Variants in FRMD3 observed in about 807,000 individuals in gnomAD.
FRMD3 encodes the protein FERM domain containing 3, also known as FERM domain-containing protein 3.
In FRMD3, 33 loss-of-function variants were observed where a neutral mutation model predicts 70.2. The observed-to-expected ratio is 0.47, with a 90% confidence interval of 0.36 to 0.63. FRMD3 has a LOEUF of 0.63. Ranked by LOEUF, FRMD3 falls within the 20% of genes least tolerant of loss-of-function variation. The pLI is 0.00. For synonymous variants in FRMD3, 279 were observed against 255.9 expected (o/e 1.09, Z -0.86); for missense variants, 632 against 711.4 (o/e 0.89, Z 1.27).
At position 83,538,300 on chromosome 9, in the gene FRMD3, C is replaced by G. The variant is rs1003425697; in HGVS notation, c.-69G>C. 8.1e-6 allele frequency: 12 copies of G among 1,478,508 alleles called. No individual in the cohort carries two copies. In the African/African-American group the frequency reaches 1.7e-4, roughly 21 times the overall value. The allele number at this position is 1,478,508 out of a possible 1,614,324, so 91.6% of individuals were successfully genotyped here. On this transcript the variant is annotated 5_prime_UTR_variant, in exon 1 of 14. Coordinates refer to ENST00000304195, the MANE Select transcript of FRMD3 (RefSeq NM_174938.6). This position sits in a 1 kb window ranked among gnomAD's most constrained non-coding sequence, Gnocchi z 4.7. The stretch of plus-strand genomic sequence containing the variant: ...CGGTGCTCGCCTGCGCGGACACACA[C>G]GCTCGCACGCACTGTCCGGGACACC...
chr9:83,477,216 G>A (rs1423329326), intron 1 of FRMD3, among the ~76,000 whole-genome samples: 1 of 152,174 alleles, frequency 6.6e-6, no homozygotes, highest in Non-Finnish European at 1.5e-5. Flanking sequence ...AAAAGCACCG[G>A]CCCAGTGTAG....
rs114639510 is a variant in FRMD3 at position 83,502,016 on chromosome 9, C to T, written c.147+36069G>A. 3.3e-3 allele frequency among the ~76,000 whole-genome samples: 509 copies of T among 152,298 alleles called. 4 individuals are homozygous for T. The highest frequency in any genetic ancestry group is 0.011 in the African/African-American group (466 of 41,566). On this transcript the variant is annotated intron_variant, in intron 1 of 13. Transcript: ENST00000304195. ...CTCCTTTAAGTGCATGAATCATTAA[C>T]TTGTTTTATTTATCTAGTTATGTGT...
chr9:83,288,039 A>G (rs897493150), intron 13 of FRMD3, among the ~76,000 whole-genome samples: 6 of 152,248 alleles, frequency 3.9e-5, no homozygotes, highest in African/African-American at 1.4e-4. Flanking sequence ...GTTTGGCTCT[A>G]GCACAGAAAT....
At chr9:83,284,725 C>T (rs527632622) in intron 13 of FRMD3, among the ~76,000 whole-genome samples, 6 of 152,220 alleles carry the variant, frequency 3.9e-5, no homozygotes, top group East Asian at 1.9e-4. Flanking sequence ...AGAAAGACAC[C>T]GAAGCCATAA....
chr9:83,445,366 A>ATAGT (rs1827427923), intron 1 of FRMD3, among the ~76,000 whole-genome samples: 1 of 151,210 alleles, frequency 6.6e-6, no homozygotes, highest in African/African-American at 2.4e-5. Context: ...AGATAGATAG[A>ATAGT]TAGATAGATA....
chr9:83,458,546 T>C lies in FRMD3; in HGVS notation c.148-68838A>G, dbSNP rs61681969. ...TGGGTATTGCATGTCTAATTACACCTACCATAAAGCCGAAGAGAAAACCTC... is the reference window on the plus strand; with the variant it reads ...TGGGTATTGCATGTCTAATTACACCCACCATAAAGCCGAAGAGAAAACCTC... On this transcript the variant is annotated intron_variant, in intron 1 of 13. Coordinates refer to ENST00000304195, the MANE Select transcript of FRMD3 (RefSeq NM_174938.6). 1.7e-3 allele frequency among the ~76,000 whole-genome samples: 266 copies of C among 152,298 alleles called. 1 individual carries two copies. The highest frequency in any genetic ancestry group is 6.2e-3 in the African/African-American group (257 of 41,564).
At chr9:83,312,744 T>G (rs1835411030) in intron 7 of FRMD3, among the ~76,000 whole-genome samples, 1 of 147,418 alleles carries the variant, frequency 6.8e-6, no homozygotes, top group African/African-American at 2.5e-5. Flanking sequence ...CACCCACCAC[T>G]CCCCCTCCGC....
At chr9:83,462,099 T>C (rs978459790) in intron 1 of FRMD3, among the ~76,000 whole-genome samples, 6 of 152,180 alleles carry the variant, frequency 3.9e-5, no homozygotes, top group African/African-American at 1.4e-4. Flanking sequence ...TACACAGTCC[T>C]GGGTTTGTCT....
chr9:83,531,467 C>G (rs1015480452), intron 1 of FRMD3, among the ~76,000 whole-genome samples: 2 of 152,178 alleles, frequency 1.3e-5, no homozygotes, highest in African/African-American at 4.8e-5. Flanking sequence ...ATATAAAGAG[C>G]TGGCCCATAT....
intron 2 of FRMD3, 56 bp downstream of exon 2, chr9:83,389,548 G>A: frequency 8.8e-7 from 1 of 1,132,884 alleles, no homozygotes; most frequent in East Asian, 2.3e-5. Context: ...CCCCCACAGT[G>A]CACCACAGTC....
intron 13 of FRMD3, among the ~76,000 whole-genome samples, chr9:83,278,031 G>T (rs565892172): frequency 6.6e-6 from 1 of 152,302 alleles, no homozygotes; most frequent in East Asian, 1.9e-4. Flanking sequence ...CAGGGTGATA[G>T]CATGAGAGGG....
intron 3 of FRMD3, among the ~76,000 whole-genome samples, chr9:83,357,057 A>T (rs1172206552): frequency 6.7e-6 from 1 of 149,554 alleles, no homozygotes; most frequent in Non-Finnish European, 1.5e-5. Context: ...CCATTAATTC[A>T]TTCCTTTTTA....
At position 83,349,667 on chromosome 9, in the gene FRMD3, A is replaced by C; in HGVS notation, c.374+12T>G. 6.3e-7 allele frequency: 1 copy of C among 1,599,376 alleles called. No individual in the cohort carries two copies. The highest frequency in any genetic ancestry group is 8.6e-7 in the Non-Finnish European group (1 of 1,168,886). ...AAGGTGCACGTTAAACATACAAACA[A>C]ACAAAAAATACCTTGTGAGCTCTTC... is the stretch of plus-strand genomic sequence containing the variant. On this transcript the variant is annotated intron_variant, in intron 4 of 13. Transcript: ENST00000304195.
intron 3 of FRMD3, among the ~76,000 whole-genome samples, chr9:83,354,833 C>A (rs1824283596): frequency 6.6e-6 from 1 of 152,158 alleles, no homozygotes; most frequent in Non-Finnish European, 1.5e-5. Context: ...TCCCTTTTCC[C>A]ATCCCCACTC....
chr9:83,547,482 A>G, the FRMD3 span, among the ~76,000 whole-genome samples: 1 of 151,950 alleles, frequency 6.6e-6, no homozygotes, highest in Non-Finnish European at 1.5e-5. Flanking sequence ...CATCAAGAAG[A>G]TATAACAATT....
At chr9:83,297,936 C>A in intron 12 of FRMD3, 1 of 445,218 alleles carries the variant, frequency 2.2e-6, no homozygotes, top group South Asian at 1.6e-5. Flanking sequence ...TCCTCCTGCC[C>A]AACAACCCCA....
Position 83,246,170 on chromosome 9 carries a change from T to G in FRMD3, c.*1748A>C. On this transcript the variant is annotated 3_prime_UTR_variant, in exon 14 of 14. Coordinates refer to ENST00000304195, the MANE Select transcript of FRMD3 (RefSeq NM_174938.6). ...TTTAGAAATCATGCTAATGATAGGG[T>G]TGGAATGTCATTAGCTAGAGAGAGC... 10 of 985,052 alleles carry G rather than the reference T, an allele frequency of 1.0e-5. No homozygotes were observed. Among genetic ancestry groups the G allele is most frequent in the Non-Finnish European group, 1.2e-5 (10 of 829,776 alleles). 61.0% of individuals were successfully genotyped at this position (985,052 alleles called of 1,614,324 possible).
At chr9:83,575,307 C>T in the FRMD3 span, among the ~76,000 whole-genome samples, 1 of 152,176 alleles carries the variant, frequency 6.6e-6, no homozygotes, top group Admixed American at 6.5e-5. Context: ...CAAACCTCTG[C>T]CTCCCATATG....
At chr9:83,433,355 T>C (rs1054759785) in intron 1 of FRMD3, among the ~76,000 whole-genome samples, 2 of 152,098 alleles carry the variant, frequency 1.3e-5, no homozygotes, top group Non-Finnish European at 2.9e-5. Flanking sequence ...TAGGACACCA[T>C]AAGAAAAAGA....
Sources: allele counts gnomAD v4.1 joint callset (sites outside exome capture counted in the v4.1 genomes callset), GRCh38; gene constraint gnomAD v4.1.1; non-coding constraint Gnocchi (gnomAD v3.1); transcripts MANE v1.5; gene names NCBI Gene and HGNC (gene_info 2026-07-23, HGNC 2026-07-21).